Variants in DDX10 observed in about 807,000 individuals in gnomAD.
DDX10 encodes probable ATP-dependent RNA helicase DDX10.
Under a neutral mutation model 104.3 loss-of-function variants are expected in DDX10, and 74 were observed. That is an observed-to-expected ratio of 0.71 (90% CI 0.59 to 0.86). The LOEUF is 0.86. DDX10 is among the 40% of genes least tolerant of loss of function. The pLI, the probability that DDX10 is intolerant of heterozygous loss-of-function variation, is 0.00. For missense variants in DDX10, 952 were observed against 1,040.0 expected (o/e 0.92, Z 1.16); for synonymous variants, 351 against 353.4 (o/e 0.99, Z 0.08).
intron 2 of DDX10, 66 bp downstream of exon 2, chr11:108,673,593 A>G: frequency 8.3e-7 from 1 of 1,206,868 alleles, no homozygotes. Flanking sequence ...ATGGGAGAAG[A>G]TTTAGAGGGT....
Position 108,926,323 on chromosome 11 carries a change from C to T in DDX10, c.2450+8305C>T, listed in dbSNP as rs1020161897. 7.3e-5 allele frequency among the ~76,000 whole-genome samples: 11 copies of T among 151,632 alleles called. 1 individual carries two copies. The highest frequency in any genetic ancestry group is 3.3e-4 in the Admixed American group (5 of 15,242). Reference sequence around the variant, plus strand: ...ATGCAGTTAACTGGATGATTTATGACGAGAAAAATAGAGTGGGGCCAAAAA... The same window carrying T: ...ATGCAGTTAACTGGATGATTTATGATGAGAAAAATAGAGTGGGGCCAAAAA... On this transcript the variant is annotated intron_variant, in intron 17 of 17. Transcript: ENST00000322536.
chr11:108,818,181 C>T (rs757102544), intron 13 of DDX10, among the ~76,000 whole-genome samples: 12 of 152,142 alleles, frequency 7.9e-5, no homozygotes, highest in African/African-American at 1.4e-4. Flanking sequence ...TAAGGTAGAG[C>T]GTATTACAAC....
In DDX10 at chr11:108,776,907, A is replaced by G. The variant is rs2615730; in HGVS notation, c.1965+53445A>G. On this transcript the variant is annotated intron_variant, in intron 13 of 17. Transcript: ENST00000322536. Reference sequence around the variant, plus strand: ...ACAACCTGAATGAGCTTGGAAGTCAAGTTTTCTCCAGAGCTTCCAGGTGGG... The same window carrying G: ...ACAACCTGAATGAGCTTGGAAGTCAGGTTTTCTCCAGAGCTTCCAGGTGGG... Among the ~76,000 whole-genome samples, 1,168 of 152,326 alleles carry G rather than the reference A, an allele frequency of 7.7e-3. 30 individuals are homozygous for G. The highest frequency in any genetic ancestry group is 0.044 in the East Asian group (228 of 5,184).
At chr11:108,907,332 C>CT (rs58465136) in intron 16 of DDX10, among the ~76,000 whole-genome samples, 10,299 of 144,958 alleles carry the variant, frequency 0.071, 1,060 homozygotes, top group African/African-American at 0.23. Context: ...TCCATTGCCT[C>CT]TTTTTTTTTT....
chr11:108,898,986 CTG>C (rs1323171465), intron 16 of DDX10, among the ~76,000 whole-genome samples: 3 of 152,182 alleles, frequency 2.0e-5, no homozygotes, highest in Non-Finnish European at 4.4e-5. Flanking sequence ...AAAATATGAA[CTG>C]TGTGTGTTAA....
At position 108,841,365 on chromosome 11, in the gene DDX10, G is replaced by A. The variant is rs1565295366; in HGVS notation, c.2136G>A (p.Glu712=). ...AGAAATCTGCCATCAAGGATGCTGA[G>A]GAAGATGATGACACAGGTGGTATCA... is the stretch of plus-strand genomic sequence containing the variant. ...QMQKSAIKDA[E]EDDDTGGINL... Residue 712 remains glutamate, a synonymous_variant, in exon 15 of 18, where the codon GAG becomes GAA. Transcript: ENST00000322536. The A allele has an allele frequency of 1.9e-6, 3 of 1,613,516 alleles. No homozygotes were observed. The highest frequency in any genetic ancestry group is 2.5e-6 in the Non-Finnish European group (3 of 1,179,838).
intron 13 of DDX10, among the ~76,000 whole-genome samples, chr11:108,832,695 T>C (rs542884517): frequency 2.2e-4 from 33 of 152,354 alleles, no homozygotes; most frequent in African/African-American, 7.9e-4. Flanking sequence ...TTATAAATCT[T>C]TGGTGGGAAT....
intron 10 of DDX10, among the ~76,000 whole-genome samples, chr11:108,711,472 A>G (rs1259473905): frequency 6.6e-6 from 1 of 152,166 alleles, no homozygotes; most frequent in East Asian, 1.9e-4. Flanking sequence ...AGCTGGGATT[A>G]CAGACACGTG....
At chr11:108,678,050 T>G (rs989146528) in intron 4 of DDX10, among the ~76,000 whole-genome samples, 5 of 152,166 alleles carry the variant, frequency 3.3e-5, no homozygotes, top group African/African-American at 1.2e-4. Context: ...GGAGTATTCA[T>G]TTGATTATTT....
intron 17 of DDX10, among the ~76,000 whole-genome samples, chr11:108,927,386 C>T (rs1863922171): frequency 6.6e-6 from 1 of 152,158 alleles, no homozygotes; most frequent in Non-Finnish European, 1.5e-5. Context: ...AGGCATATGC[C>T]ACTTTCTGGC....
intron 15 of DDX10, among the ~76,000 whole-genome samples, chr11:108,845,898 T>A (rs1862710494): frequency 6.6e-6 from 1 of 152,194 alleles, no homozygotes; most frequent in Non-Finnish European, 1.5e-5. Context: ...CAGCCTTGAA[T>A]CATAGCTTTG....
At chr11:108,733,503 G>T (rs947598531) in intron 13 of DDX10, among the ~76,000 whole-genome samples, 1 of 152,156 alleles carries the variant, frequency 6.6e-6, no homozygotes. Context: ...ACAGCCTTGT[G>T]TAGTGTTGTT....
intron 10 of DDX10, among the ~76,000 whole-genome samples, chr11:108,708,623 A>T (rs1259999512): frequency 6.7e-6 from 1 of 149,090 alleles, no homozygotes; most frequent in African/African-American, 2.5e-5. Flanking sequence ...GCTAGAGTGC[A>T]GTCTTGCAAT....
chr11:108,698,839 C>G (rs12421269), intron 9 of DDX10, among the ~76,000 whole-genome samples: 1,951 of 152,338 alleles, frequency 0.013, 144 homozygotes, highest in Admixed American at 0.12. Flanking sequence ...CCCTTGTTCT[C>G]TATGCTCCGT....
chr11:108,779,537 G>T (rs542103364), intron 13 of DDX10, among the ~76,000 whole-genome samples: 1 of 152,130 alleles, frequency 6.6e-6, no homozygotes, highest in Admixed American at 6.6e-5. Context: ...GGCCTGCCGG[G>T]GGTGGTGGGA....
chr11:108,866,959 A>G (rs567709453), intron 16 of DDX10, among the ~76,000 whole-genome samples: 6 of 152,314 alleles, frequency 3.9e-5, no homozygotes, highest in African/African-American at 1.4e-4. Context: ...TTTGACTTGT[A>G]GGATTCACAA....
intron 17 of DDX10, among the ~76,000 whole-genome samples, chr11:108,925,805 A>G (rs1372676807): frequency 2.6e-5 from 4 of 152,214 alleles, no homozygotes; most frequent in Non-Finnish European, 4.4e-5. Flanking sequence ...GATCGTACCC[A>G]TGCTTAGGTT....
At chr11:108,695,842 CAAATT>C (rs2134453117) in intron 9 of DDX10, among the ~76,000 whole-genome samples, 1 of 150,626 alleles carries the variant, frequency 6.6e-6, no homozygotes, top group African/African-American at 2.4e-5. Flanking sequence ...AAAATGCACT[CAAATT>C]AAATGTGCTT....
Position 108,819,846 on chromosome 11 carries a change from G to A in DDX10, c.1966-18600G>A, listed in dbSNP as rs367948104. On this transcript the variant is annotated intron_variant, in intron 13 of 17. Transcript: ENST00000322536. ...ACTCCTGACCTCAGGTGATCCACCCGCCTCGGCCTCCCAAAGTGCTGGAGA... is the reference window on the plus strand; with the variant it reads ...ACTCCTGACCTCAGGTGATCCACCCACCTCGGCCTCCCAAAGTGCTGGAGA... Among the ~76,000 whole-genome samples, 55 of 152,182 alleles carry A rather than the reference G, an allele frequency of 3.6e-4. 1 individual carries two copies. The highest frequency in any genetic ancestry group is 1.1e-3 in the African/African-American group (44 of 41,522).
Sources: gnomAD v4.1 joint callset for allele counts (sites outside exome capture counted in the v4.1 genomes callset) on GRCh38, gnomAD v4.1.1 for gene constraint, MANE v1.5 for transcripts, NCBI Gene and HGNC (gene_info 2026-07-23, HGNC 2026-07-21) for gene names.